The following BORCS5 variants were observed in gnomAD, a reference collection of about 807,000 sequenced individuals.
BORCS5 encodes BLOC-1-related complex subunit 5.
In BORCS5, 17 loss-of-function variants were observed where a neutral mutation model predicts 22.1. The observed-to-expected ratio is 0.77, with a 90% CI of 0.53 to 1.15. The LOEUF is 1.15. BORCS5 is among the 50% of genes most tolerant of loss of function. BORCS5 has a pLI of 0.00. For missense variants in BORCS5, 247 were observed against 253.2 expected (o/e 0.98, Z 0.17); for synonymous variants, 117 against 99.8 (o/e 1.17, Z -1.03).
In BORCS5 at chr12:12,448,775, C is replaced by T. The variant is rs1019752580; in HGVS notation, c.360+12990C>T. On this transcript the variant is annotated intron_variant, in intron 3 of 3. Coordinates refer to ENST00000314565, the MANE Select transcript of BORCS5 (RefSeq NM_058169.6). ...AACTCCTGACCTAGTGATCCTCCCG[C>T]CTCAGACTCCCAAAGTGCTGGGATT... Among the ~76,000 whole-genome samples, 4 of 152,114 alleles carry T rather than the reference C, an allele frequency of 2.6e-5. No individual in the cohort carries two copies. The East Asian group carries it at 7.7e-4, about 29-fold the overall frequency.
Position 12,420,461 on chromosome 12 carries a change from G to GT in BORCS5, c.203-15165dup, listed in dbSNP as rs34800516. On this transcript the variant is annotated intron_variant, in intron 2 of 3. Transcript: ENST00000314565. ...TTGGTTACTGTAGCCTTGTAGTATAGTTGAAGTCAGGTAGTATGATGCCTC... is the reference window on the plus strand; with the variant it reads ...TTGGTTACTGTAGCCTTGTAGTATAGTTTGAAGTCAGGTAGTATGATGCCTC... Among the ~76,000 whole-genome samples, 13 of 152,098 alleles carry GT rather than the reference G, an allele frequency of 8.5e-5. 1 individual carries two copies. Among genetic ancestry groups the GT allele is most frequent in the South Asian group, 6.2e-4 (3 of 4,816 alleles).
chr12:12,437,205 T>A (rs1323770584), intron 3 of BORCS5, among the ~76,000 whole-genome samples: 1 of 152,180 alleles, frequency 6.6e-6, no homozygotes, highest in Non-Finnish European at 1.5e-5. Flanking sequence ...GCTGTTCGCA[T>A]GATAGTGAAT....
rs1212810285 is a variant in BORCS5, at chr12:12,465,671, C to T, written c.486C>T (p.Gly162=). 1 of 1,614,262 alleles carries T rather than the reference C, an allele frequency of 6.2e-7. No homozygotes were observed. Among genetic ancestry groups the T allele is most frequent in the Admixed American group, 1.7e-5 (1 of 60,032 alleles). Residue 162 remains glycine, a synonymous_variant, in exon 4 of 4, where the codon GGC becomes GGT. Coordinates refer to ENST00000314565, the MANE Select transcript of BORCS5 (RefSeq NM_058169.6). ...MSAILRRIQM[G]IDQTVPLLDR... ...CCATCCTCCGCCGCATACAGATGGG[C>T]ATCGACCAGACTGTGCCCCTGCTGG...
At chr12:12,443,611 G>A (rs570041511) in intron 3 of BORCS5, among the ~76,000 whole-genome samples, 2 of 152,350 alleles carry the variant, frequency 1.3e-5, no homozygotes, top group Non-Finnish European at 2.9e-5. Flanking sequence ...TCCTGGAAGA[G>A]GGCCGAATCT....
At chr12:12,416,299 T>C (rs1319942169) in intron 2 of BORCS5, among the ~76,000 whole-genome samples, 1 of 150,638 alleles carries the variant, frequency 6.6e-6, no homozygotes, top group Non-Finnish European at 1.5e-5. Context: ...ATTTTCTCTA[T>C]TTTTTTTTCT....
intron 2 of BORCS5, among the ~76,000 whole-genome samples, chr12:12,399,317 G>T (rs1941418353): frequency 6.6e-6 from 1 of 152,052 alleles, no homozygotes; most frequent in African/African-American, 2.4e-5. Flanking sequence ...GAAAAAAAAA[G>T]GTGAATTGCA....
At chr12:12,392,165 A>G (rs1285494837) in intron 2 of BORCS5, among the ~76,000 whole-genome samples, 6 of 151,880 alleles carry the variant, frequency 4.0e-5, no homozygotes, top group Admixed American at 6.6e-5. Context: ...TGAGTCCCCA[A>G]TATGTAACAA....
intron 2 of BORCS5, among the ~76,000 whole-genome samples, chr12:12,425,900 G>A (rs758482980): frequency 1.1e-4 from 17 of 152,210 alleles, no homozygotes; most frequent in Non-Finnish European, 2.4e-4. Context: ...GACTACTACA[G>A]TTGGTGACTG....
chr12:12,435,575 A>G, intron 2 of BORCS5, 53 bp from the exon 3 acceptor site: 1 of 1,494,446 alleles, frequency 6.7e-7, no homozygotes, highest in Non-Finnish European at 9.2e-7. Context: ...TACTTTATTC[A>G]CAAGTTTATT....
intron 2 of BORCS5, among the ~76,000 whole-genome samples, chr12:12,396,199 C>G (rs1220638733): frequency 1.3e-5 from 2 of 151,226 alleles, no homozygotes; most frequent in Non-Finnish European, 2.9e-5. Context: ...GTTGGCCAGG[C>G]TGGTTTCAAA....
intron 2 of BORCS5, among the ~76,000 whole-genome samples, chr12:12,370,861 G>A (rs1863511048): frequency 6.6e-6 from 1 of 151,832 alleles, no homozygotes; most frequent in Non-Finnish European, 1.5e-5. Context: ...CCATTCTCCT[G>A]CCTCAGCCTG....
chr12:12,424,545 TGTTG>T (rs978527751), intron 2 of BORCS5, among the ~76,000 whole-genome samples: 3 of 152,160 alleles, frequency 2.0e-5, no homozygotes, highest in African/African-American at 7.2e-5. Context: ...GGACAGTATC[TGTTG>T]GTTTATATTT....
intron 2 of BORCS5, among the ~76,000 whole-genome samples, chr12:12,369,183 C>G (rs1863468321): frequency 6.6e-6 from 1 of 152,110 alleles, no homozygotes; most frequent in Non-Finnish European, 1.5e-5. Context: ...AATGTGCTAC[C>G]TATGTGTTAT....
chr12:12,443,538 G>C (rs1565920856), intron 3 of BORCS5, among the ~76,000 whole-genome samples: 2 of 152,230 alleles, frequency 1.3e-5, no homozygotes, highest in African/African-American at 2.4e-5. Context: ...TGCTGCACAG[G>C]GCTTCCTTGG....
chr12:12,375,443 G>A (rs138940454), intron 2 of BORCS5, among the ~76,000 whole-genome samples: 3 of 152,176 alleles, frequency 2.0e-5, no homozygotes, highest in Non-Finnish European at 4.4e-5. Context: ...GGGCAACATA[G>A]ACCTCATTTC....
At chr12:12,404,920 C>G (rs1941559248) in intron 2 of BORCS5, among the ~76,000 whole-genome samples, 1 of 152,128 alleles carries the variant, frequency 6.6e-6, no homozygotes, top group Admixed American at 6.5e-5. Context: ...AGGCTGGTCT[C>G]AAACTCCTGG....
At chr12:12,440,424 C>T (rs1469008169) in intron 3 of BORCS5, among the ~76,000 whole-genome samples, 3 of 152,134 alleles carry the variant, frequency 2.0e-5, no homozygotes, top group Non-Finnish European at 2.9e-5. Context: ...GTTCCAGAGA[C>T]ATGTAACATG....
chr12:12,459,284 A>G (rs1481115145), intron 3 of BORCS5, among the ~76,000 whole-genome samples: 1 of 152,280 alleles, frequency 6.6e-6, no homozygotes, highest in Non-Finnish European at 1.5e-5. Flanking sequence ...TTTGAAACTT[A>G]GAAATCTTTG....
intron 2 of BORCS5, among the ~76,000 whole-genome samples, chr12:12,400,652 G>A (rs73283441): frequency 0.28 from 41,259 of 149,900 alleles, 7,041 homozygotes; most frequent in African/African-American, 0.5. Flanking sequence ...TTAATATTTT[G>A]CCATGTTTGC....
Sources: allele counts gnomAD v4.1 joint callset (sites outside exome capture counted in the v4.1 genomes callset), GRCh38; gene constraint gnomAD v4.1.1; transcripts MANE v1.5; gene names NCBI Gene and HGNC (gene_info 2026-07-23, HGNC 2026-07-21).